The following MMEL1 variants were observed in gnomAD, a reference collection of about 807,000 sequenced individuals.
The protein encoded by MMEL1 is membrane metallo-endopeptidase-like 1.
Under a neutral mutation model 117.1 loss-of-function variants are expected in MMEL1, and 98 were observed. The ratio of observed to expected loss-of-function variants is 0.84; its 90% CI spans 0.71 to 0.99. The LOEUF (loss-of-function observed/expected upper bound fraction) is 0.99, where lower values mean the gene tolerates loss of function less well. MMEL1 is among the 50% of genes least tolerant of loss of function. The probability of loss-of-function intolerance (pLI) is 0.00; values close to 1 mark genes in which losing one functional copy is unlikely to be tolerated. For missense variants in MMEL1, 1,014 were observed against 1,049.1 expected, an observed-to-expected ratio of 0.97 and a Z score of 0.46; for synonymous variants, 390 against 415.1, an observed-to-expected ratio of 0.94 and a Z score of 0.74.
Position 2,632,946 on chromosome 1 carries a change from TG to T in MMEL1, c.-119del. The T allele has an allele frequency of 1.0e-6, 1 of 985,738 alleles. No individual in the cohort carries two copies. The highest frequency in any genetic ancestry group is 5.2e-4 in the Middle Eastern group (1 of 1,914). The allele number at this position is 985,738 out of a possible 1,614,324, so 61.1% of individuals were successfully genotyped here. A position where few individuals can be genotyped will look rare whatever the true frequency, so the allele number is the denominator to read the frequency against. On this transcript the variant is annotated 5_prime_UTR_variant, in exon 1 of 24. Coordinates refer to ENST00000378412, the MANE Select transcript of MMEL1 (RefSeq NM_033467.4). ...CCAGTGGGTTGGAGTTGGGGTGAGCTGGGCCAAGTGGGTGGATTTCCAGGGA... is the reference window on the plus strand; with the variant it reads ...CCAGTGGGTTGGAGTTGGGGTGAGCTGGCCAAGTGGGTGGATTTCCAGGGA...
intron 14 of MMEL1, 76 bp downstream of exon 14, chr1:2,596,485 G>T: frequency 6.4e-7 from 1 of 1,554,540 alleles, no homozygotes. Context: ...GGGCGGGGTG[G>T]GAGTCTCAGG....
At chr1:2,623,044 C>T (rs1280705998) in intron 2 of MMEL1, among the ~76,000 whole-genome samples, 1 of 151,986 alleles carries the variant, frequency 6.6e-6, no homozygotes, top group Non-Finnish European at 1.5e-5. Flanking sequence ...TGGCACGCAC[C>T]TGTAGTCCCA....
At chr1:2,617,567 T>G (rs1450469039) in intron 2 of MMEL1, among the ~76,000 whole-genome samples, 1 of 151,922 alleles carries the variant, frequency 6.6e-6, no homozygotes, top group Non-Finnish European at 1.5e-5. Context: ...GCCACTGCAC[T>G]CCAGCCTGGG....
At chr1:2,599,398 G>T (rs528287013) in intron 11 of MMEL1, among the ~76,000 whole-genome samples, 18 of 152,324 alleles carry the variant, frequency 1.2e-4, no homozygotes, top group Middle Eastern at 3.4e-3. Context: ...AGCTGAATTA[G>T]ATTTATTCAA....
At chr1:2,594,146 C>T (rs980942465) in intron 18 of MMEL1, 1 of 770,866 alleles carries the variant, frequency 1.3e-6, no homozygotes, top group African/African-American at 1.7e-5. Context: ...CCGGCCTCCT[C>T]CCACCATCCT....
chr1:2,600,852 A>G (rs1174852875), intron 11 of MMEL1, among the ~76,000 whole-genome samples: 2 of 152,252 alleles, frequency 1.3e-5, no homozygotes, highest in Non-Finnish European at 2.9e-5. Flanking sequence ...GATAATTTCA[A>G]AATGATTCTA....
At chr1:2,606,545 C>T (rs1645031794) in intron 7 of MMEL1, among the ~76,000 whole-genome samples, 179 bp from the exon 8 acceptor site, 1 of 152,204 alleles carries the variant, frequency 6.6e-6, no homozygotes, top group Non-Finnish European at 1.5e-5. Flanking sequence ...CCAGGAGCCA[C>T]AGGCGGGCCC....
intron 6 of MMEL1, 78 bp downstream of exon 6, chr1:2,609,261 T>TGGGGCTGCGCTAGGCCCTGGCA (rs1645086039): frequency 1.4e-6 from 2 of 1,430,168 alleles, no homozygotes; most frequent in African/African-American, 2.8e-5. Flanking sequence ...CATGGGGTCC[T>TGGGGCTGCGCTAGGCCCTGGCA]GGGGCTGCGC....
At chr1:2,630,616 A>ACTGCACGTGTGTGC in intron 1 of MMEL1, among the ~76,000 whole-genome samples, 1 of 130,508 alleles carries the variant, frequency 7.7e-6, no homozygotes, top group South Asian at 2.5e-4. Flanking sequence ...CATGTGTGTG[A>ACTGCACGTGTGTGC]CTGCACGTGT....
chr1:2,605,812 G>A (rs1463104221), intron 8 of MMEL1, among the ~76,000 whole-genome samples, 189 bp from the exon 9 acceptor site: 1 of 151,468 alleles, frequency 6.6e-6, no homozygotes, highest in Non-Finnish European at 1.5e-5. Context: ...GGGGCGCTGG[G>A]CTGGACTGGA....
At chr1:2,601,798 G>A (rs1024002219) in intron 11 of MMEL1, among the ~76,000 whole-genome samples, 1 of 152,226 alleles carries the variant, frequency 6.6e-6, no homozygotes, top group Non-Finnish European at 1.5e-5. Flanking sequence ...GACAGGAGAT[G>A]GCGTTTAACC....
intron 22 of MMEL1, 119 bp downstream of exon 22, chr1:2,591,813 G>A: frequency 8.6e-7 from 1 of 1,169,342 alleles, no homozygotes; most frequent in Non-Finnish European, 1.3e-6. Context: ...TGCCCCTCAT[G>A]CTTTTCCCCC....
At chr1:2,630,157 C>T (rs958477878) in intron 1 of MMEL1, 1 of 152,684 alleles carries the variant, frequency 6.5e-6, no homozygotes, top group African/African-American at 2.4e-5. Context: ...TGAAGACACA[C>T]ACGGCTGGGC....
rs1289236336 is a variant in MMEL1 at position 2,611,271 on chromosome 1, C to T, written c.292+10G>A. The T allele has an allele frequency of 1.9e-6, 3 of 1,574,628 alleles. No individual in the cohort carries two copies. The highest frequency in any genetic ancestry group is 1.8e-5 in the Admixed American group (1 of 54,950). On this transcript the variant is annotated intron_variant, in intron 4 of 23. Transcript: ENST00000378412. ...GGGCAGGCTGTGGACGGCAAGGGGG[C>T]GGGGCTTACCTGCTATCACGCAGCC...
Position 2,607,003 on chromosome 1 carries a change from AC to A in MMEL1, c.601del (p.Val201TrpfsTer10). Reference sequence around the variant, plus strand: ...GGTCTCGTTCCACCTGTCCATCGCCACCGGCCAGCCTCCCACCACCTCCAAG... The same window carrying A: ...GGTCTCGTTCCACCTGTCCATCGCCACGGCCAGCCTCCCACCACCTCCAAG... ...DILEVVGGWP[V>X]AMDRWNETVG... On this transcript the variant is annotated frameshift_variant, in exon 7 of 24. Coordinates refer to ENST00000378412, the MANE Select transcript of MMEL1 (RefSeq NM_033467.4). LOFTEE classifies it high-confidence loss of function. The A allele has an allele frequency of 6.2e-7, 1 of 1,613,328 alleles. No individual in the cohort carries two copies. Among genetic ancestry groups the A allele is most frequent in the Non-Finnish European group, 8.5e-7 (1 of 1,179,964 alleles).
rs1344964128 is a variant in MMEL1, at chr1:2,611,315, G to A, written c.258C>T (p.Ser86=). 1.9e-6 allele frequency: 3 copies of A among 1,566,396 alleles called. No homozygotes were observed. Among genetic ancestry groups the A allele is most frequent in the Admixed American group, 1.9e-5 (1 of 53,692 alleles). ...PRGIPEAQEV[S]EVCTTPGCVI... is the part of the protein sequence containing the mutation. Reference sequence around the variant, plus strand: ...CGCAGCCAGGGGTGGTGCAGACCTCGCTCACCTCTTGGGCCTCTGGGATCC... The same window carrying A: ...CGCAGCCAGGGGTGGTGCAGACCTCACTCACCTCTTGGGCCTCTGGGATCC... The change falls in exon 4 of 24, where the codon AGC becomes AGT. Residue 86 remains serine (S), a synonymous_variant. Coordinates refer to ENST00000378412, the MANE Select transcript of MMEL1 (RefSeq NM_033467.4).
In MMEL1 at chr1:2,595,404, T is replaced by A. The variant is rs774550530; in HGVS notation, c.1501-45A>T. 2.5e-6 allele frequency: 4 copies of A among 1,570,304 alleles called. No individual in the cohort carries two copies. The East Asian group carries it at 6.7e-5, about 26-fold the overall frequency. On this transcript the variant is annotated intron_variant, in intron 15 of 23. Transcript: ENST00000378412. This position sits in a 1 kb window ranked among gnomAD's most constrained non-coding sequence, Gnocchi z 4.8. ...TGGTCAGTGGGTGCCCCACTGCGGA[T>A]GGAGTCAGCCCGGGGGCCGGTCAGT... is the stretch of plus-strand genomic sequence containing the variant.
At position 2,622,746 on chromosome 1, in the gene MMEL1, G is replaced by A. The variant is rs929763397; in HGVS notation, c.154+6585C>T. ...CTAAAAATACAAAAATTATTTGGGCGTGGTGGTGGGCACCAGTAATCCCAG... is the reference window on the plus strand; with the variant it reads ...CTAAAAATACAAAAATTATTTGGGCATGGTGGTGGGCACCAGTAATCCCAG... On this transcript the variant is annotated intron_variant, in intron 2 of 23. Transcript: ENST00000378412. Among the ~76,000 whole-genome samples, 14 of 152,100 alleles carry A rather than the reference G, an allele frequency of 9.2e-5. 1 individual carries two copies. In the East Asian group the frequency reaches 1.2e-3, roughly 13 times the overall value.
At chr1:2,623,164 TAAA>T (rs375084628) in intron 2 of MMEL1, among the ~76,000 whole-genome samples, 1 of 132,688 alleles carries the variant, frequency 7.5e-6, no homozygotes, top group Non-Finnish European at 1.6e-5. Context: ...TGACTCCGTC[TAAA>T]AAAAAAAAAA....
Sources: allele counts gnomAD v4.1 joint callset (sites outside exome capture counted in the v4.1 genomes callset), GRCh38; gene constraint gnomAD v4.1.1; non-coding constraint Gnocchi (gnomAD v3.1); transcripts MANE v1.5; gene names NCBI Gene and HGNC (gene_info 2026-07-23, HGNC 2026-07-21).